PTPN13: variants seen among roughly 807,000 people sequenced by gnomAD.
PTPN13 encodes the protein protein tyrosine phosphatase non-receptor type 13.
In PTPN13, 191 loss-of-function variants were observed where a neutral mutation model predicts 284.0. The observed-to-expected ratio is 0.67, with a 90% confidence interval of 0.60 to 0.76. The LOEUF (loss-of-function observed/expected upper bound fraction) is 0.76. Ranked by LOEUF, PTPN13 falls within the 30% of genes least tolerant of loss-of-function variation. The probability of loss-of-function intolerance (pLI) is 0.00; values close to 1 mark genes in which losing one functional copy is unlikely to be tolerated. For missense variants in PTPN13, 2,797 were observed against 2,939.9 expected, an observed-to-expected ratio of 0.95 and a Z score of 1.12; for synonymous variants, 986 against 1,022.3, an observed-to-expected ratio of 0.96 and a Z score of 0.68.
intron 1 of PTPN13, among the ~76,000 whole-genome samples, chr4:86,609,909 AG>A (rs1765113584): frequency 6.6e-6 from 1 of 152,178 alleles, no homozygotes; most frequent in Non-Finnish European, 1.5e-5. Flanking sequence ...CAAAGAAGCT[AG>A]ATACATAGAA....
chr4:86,722,296 A>G lies in PTPN13; in HGVS notation c.1470A>G (p.Leu490=), dbSNP rs1733758918. ...LKRQEEELMQ[L]QAKMALRQSR... ...GGCAAGAGGAAGAACTGATGCAGCT[A>G]CAAGCCAAAATGGCCCTTAGACAGT... Residue 490 remains leucine (L), a synonymous_variant, in exon 10 of 48, where the codon CTA becomes CTG. Coordinates refer to ENST00000411767, the MANE Select transcript of PTPN13 (RefSeq NM_080683.3). 6 of 1,613,866 alleles carry G rather than the reference A, an allele frequency of 3.7e-6. No individual in the cohort carries two copies. The highest frequency in any genetic ancestry group is 2.5e-6 in the Non-Finnish European group (3 of 1,179,816).
At chr4:86,726,409 C>A (rs559199594) in intron 10 of PTPN13, among the ~76,000 whole-genome samples, 1 of 149,344 alleles carries the variant, frequency 6.7e-6, no homozygotes, top group African/African-American at 2.4e-5. Context: ...TTACTTTGGG[C>A]AGTATGGCCA....
intron 2 of PTPN13, among the ~76,000 whole-genome samples, chr4:86,669,285 GTATATATATATATATATA>G (rs34939020): frequency 0.061 from 6,935 of 113,392 alleles, 292 homozygotes; most frequent in Middle Eastern, 0.083. Context: ...GGAAGAAGAT[GTATATATATATATATATA>G]TATATATATA....
chr4:86,682,767 G>T (rs1268772198), intron 3 of PTPN13, among the ~76,000 whole-genome samples: 1 of 152,080 alleles, frequency 6.6e-6, no homozygotes, highest in Admixed American at 6.6e-5. Flanking sequence ...GTCTTTTCAG[G>T]CTGCACCAAC....
At chr4:86,807,061 G>A (rs1455974421) in intron 44 of PTPN13, among the ~76,000 whole-genome samples, 1 of 152,026 alleles carries the variant, frequency 6.6e-6, no homozygotes, top group Non-Finnish European at 1.5e-5. Flanking sequence ...ATTTTATTAG[G>A]TGAGTGAGAG....
intron 4 of PTPN13, 67 bp from the exon 5 acceptor site, chr4:86,688,938 G>T (rs1729731667): frequency 7.8e-7 from 1 of 1,284,972 alleles, no homozygotes; most frequent in East Asian, 2.4e-5. Flanking sequence ...TTCCTAGAAT[G>T]ATTTGTCTCA....
chr4:86,739,824 G>C (rs547072015), intron 15 of PTPN13, among the ~76,000 whole-genome samples: 1 of 152,300 alleles, frequency 6.6e-6, no homozygotes, highest in East Asian at 1.9e-4. Context: ...GGGGTTACAG[G>C]CATTGGGTAA....
At chr4:86,645,012 C>T (rs1027991949) in intron 2 of PTPN13, among the ~76,000 whole-genome samples, 1 of 152,026 alleles carries the variant, frequency 6.6e-6, no homozygotes, top group African/African-American at 2.4e-5. Context: ...AGTTCGTGAC[C>T]AGCCTGCGAA....
At chr4:86,596,564 T>C (rs538603712) in intron 1 of PTPN13, among the ~76,000 whole-genome samples, 1 of 152,330 alleles carries the variant, frequency 6.6e-6, no homozygotes, top group East Asian at 1.9e-4. Context: ...ATCATTTGTT[T>C]TGGAGTAGAT....
chr4:86,615,644 C>G (rs1223115754), intron 1 of PTPN13, among the ~76,000 whole-genome samples: 1 of 152,114 alleles, frequency 6.6e-6, no homozygotes, highest in Non-Finnish European at 1.5e-5. Context: ...GACATCCTCT[C>G]CAGATGGTTA....
rs775005635 is a variant in PTPN13 at position 86,763,155 on chromosome 4, T to TA, written c.3983dup (p.Tyr1328Ter). Residue 1328 changes from tyrosine (Y) to a stop codon, truncating the protein, a stop_gained and frameshift_variant, in exon 24 of 48, where the codon TAC (tyrosine) becomes TAAC (stop). Coordinates refer to ENST00000411767, the MANE Select transcript of PTPN13 (RefSeq NM_080683.3). LOFTEE classifies it high-confidence loss of function. ...RGDSDMDEAT[Y>*]SSSQDHQTPK... ...AGATTCAGACATGGATGAAGCCACT[T>TA]ACTCCAGCAGTCAGGATCATCAAAC... The TA allele has an allele frequency of 1.2e-6, 2 of 1,613,732 alleles. No individual in the cohort carries two copies.
intron 2 of PTPN13, among the ~76,000 whole-genome samples, chr4:86,649,662 A>T (rs1724855100): frequency 6.6e-6 from 1 of 152,150 alleles, no homozygotes; most frequent in Admixed American, 6.5e-5. Context: ...AGGTAATGTG[A>T]TGCTTCCAGC....
intron 35 of PTPN13, among the ~76,000 whole-genome samples, chr4:86,778,412 G>C (rs1042928485): frequency 6.6e-6 from 1 of 152,204 alleles, no homozygotes; most frequent in African/African-American, 2.4e-5. Context: ...TCAGTTCCAC[G>C]TCTTCCAAGT....
At chr4:86,651,860 G>A (rs1469134129) in intron 2 of PTPN13, among the ~76,000 whole-genome samples, 2 of 151,894 alleles carry the variant, frequency 1.3e-5, no homozygotes, top group Non-Finnish European at 2.9e-5. Context: ...ATTTAATTGG[G>A]TCTTGTCTCT....
intron 6 of PTPN13, among the ~76,000 whole-genome samples, chr4:86,699,101 G>A (rs1730866391): frequency 6.6e-6 from 1 of 152,008 alleles, no homozygotes; most frequent in Non-Finnish European, 1.5e-5. Context: ...GAAAAGAGTA[G>A]ACATAGCCTG....
chr4:86,690,706 T>C (rs1371833578), intron 5 of PTPN13, among the ~76,000 whole-genome samples: 1 of 152,056 alleles, frequency 6.6e-6, no homozygotes, highest in Non-Finnish European at 1.5e-5. Flanking sequence ...TATAGTAAAA[T>C]TGTGAGAGAT....
rs1427684170 is a variant in PTPN13 at position 86,651,401 on chromosome 4, T to TCCTC, written c.115+16044_115+16047dup. Among the ~76,000 whole-genome samples, 414 of 152,052 alleles carry TCCTC rather than the reference T, an allele frequency of 2.7e-3. 2 individuals carry two copies. The highest frequency in any genetic ancestry group is 9.5e-3 in the African/African-American group (394 of 41,466). ...TTGTTTCCTTCCTCCTTCCATCCCTTCCTCCCTCCCTCCCTCCGTCCTTCC... is the reference window on the plus strand; with the variant it reads ...TTGTTTCCTTCCTCCTTCCATCCCTTCCTCCCTCCCTCCCTCCCTCCGTCCTTCC... On this transcript the variant is annotated intron_variant, in intron 2 of 47. Coordinates refer to ENST00000411767, the MANE Select transcript of PTPN13 (RefSeq NM_080683.3).
At chr4:86,685,731 T>G (rs1729379614) in intron 3 of PTPN13, among the ~76,000 whole-genome samples, 1 of 152,230 alleles carries the variant, frequency 6.6e-6, no homozygotes, top group Non-Finnish European at 1.5e-5. Flanking sequence ...AACTCTTACA[T>G]GTACAAAAAC....
intron 3 of PTPN13, among the ~76,000 whole-genome samples, chr4:86,676,545 A>G (rs573576748): frequency 6.6e-6 from 1 of 152,358 alleles, no homozygotes; most frequent in Non-Finnish European, 1.5e-5. Context: ...CAGGAACTCA[A>G]AGAGATATTT....
Sources: allele counts gnomAD v4.1 joint callset (sites outside exome capture counted in the v4.1 genomes callset), GRCh38; gene constraint gnomAD v4.1.1; transcripts MANE v1.5; gene names NCBI Gene and HGNC (gene_info 2026-07-23, HGNC 2026-07-21).